GRIN3A: variants seen among roughly 807,000 people sequenced by gnomAD.
GRIN3A encodes the protein glutamate ionotropic receptor NMDA type subunit 3A.
In GRIN3A, 47 loss-of-function variants were observed where a neutral mutation model predicts 92.4. The observed-to-expected ratio is 0.51, with a 90% CI of 0.40 to 0.65. GRIN3A has a LOEUF of 0.65. Ranked by LOEUF, GRIN3A falls within the 30% of genes least tolerant of loss-of-function variation. The pLI, the probability that GRIN3A is intolerant of heterozygous loss-of-function variation, is 0.00. For missense variants in GRIN3A, 1,324 were observed against 1,393.1 expected (o/e 0.95, Z 0.79); for synonymous variants, 527 against 540.6 (o/e 0.97, Z 0.35).
intron 6 of GRIN3A, among the ~76,000 whole-genome samples, chr9:101,609,276 A>T (rs1480616616): frequency 6.6e-6 from 1 of 152,212 alleles, no homozygotes; most frequent in African/African-American, 2.4e-5. Context: ...ATATTTCTTT[A>T]CTTTGAAAAG....
intron 7 of GRIN3A, among the ~76,000 whole-genome samples, chr9:101,578,650 G>C (rs1564117754): frequency 1.3e-5 from 2 of 152,190 alleles, no homozygotes; most frequent in African/African-American, 4.8e-5. Context: ...GAGTGTGCTT[G>C]AGTCACCAGT....
chr9:101,676,387 A>G (rs561446480), intron 2 of GRIN3A, among the ~76,000 whole-genome samples: 12 of 152,018 alleles, frequency 7.9e-5, no homozygotes, highest in African/African-American at 2.9e-4. Flanking sequence ...AGGCCTTAAA[A>G]TTAATTTTTC....
At chr9:101,597,167 A>G (rs1828146711) in intron 6 of GRIN3A, among the ~76,000 whole-genome samples, 2 of 152,174 alleles carry the variant, frequency 1.3e-5, no homozygotes, top group Non-Finnish European at 2.9e-5. Flanking sequence ...GAAAAGACGG[A>G]CTTTTCCCTG....
intron 1 of GRIN3A, among the ~76,000 whole-genome samples, chr9:101,720,630 T>C (rs1220917552): frequency 1.3e-5 from 2 of 152,212 alleles, no homozygotes; most frequent in African/African-American, 4.8e-5. Flanking sequence ...ATTGTTTCAA[T>C]GGAAAAATCA....
intron 3 of GRIN3A, among the ~76,000 whole-genome samples, chr9:101,650,603 A>G (rs796447746): frequency 7.2e-5 from 11 of 152,118 alleles, no homozygotes; most frequent in African/African-American, 2.6e-4. Flanking sequence ...CTTGTGAGCT[A>G]TTTATATGCT....
chr9:101,610,219 T>C (rs558220711), intron 6 of GRIN3A, among the ~76,000 whole-genome samples: 4 of 152,340 alleles, frequency 2.6e-5, no homozygotes, highest in East Asian at 1.9e-4. Context: ...TAAAAATGTC[T>C]ACCTTACAGG....
intron 8 of GRIN3A, among the ~76,000 whole-genome samples, chr9:101,575,443 G>T (rs1480442998): frequency 2.0e-5 from 3 of 152,126 alleles, no homozygotes; most frequent in Non-Finnish European, 4.4e-5. Context: ...GGGGTGAGAG[G>T]AAAGGGAAAA....
At chr9:101,724,756 A>T (rs928944511) in intron 1 of GRIN3A, among the ~76,000 whole-genome samples, 1 of 152,214 alleles carries the variant, frequency 6.6e-6, no homozygotes, top group Non-Finnish European at 1.5e-5. Context: ...AGTTGCCACC[A>T]TGTAAGAAGT....
chr9:101,736,599 A>C (rs1241921835), intron 1 of GRIN3A, among the ~76,000 whole-genome samples: 1 of 152,192 alleles, frequency 6.6e-6, no homozygotes. Flanking sequence ...GTAGGGACAA[A>C]GAAACAATCC....
At chr9:101,712,333 A>G (rs1426450169) in intron 1 of GRIN3A, among the ~76,000 whole-genome samples, 1 of 152,192 alleles carries the variant, frequency 6.6e-6, no homozygotes, top group African/African-American at 2.4e-5. Context: ...CTTAATGACT[A>G]TCACCCAGAA....
At chr9:101,700,259 T>G (rs1357022335) in intron 1 of GRIN3A, among the ~76,000 whole-genome samples, 1 of 152,220 alleles carries the variant, frequency 6.6e-6, no homozygotes, top group East Asian at 1.9e-4. Context: ...GTAGTTTAGA[T>G]TTACAGGAAG....
At chr9:101,627,374 G>A (rs1828647949) in intron 4 of GRIN3A, among the ~76,000 whole-genome samples, 1 of 152,146 alleles carries the variant, frequency 6.6e-6, no homozygotes, top group South Asian at 2.1e-4. Context: ...AAACCCTTAT[G>A]TTCCATGAAA....
intron 5 of GRIN3A, among the ~76,000 whole-genome samples, chr9:101,621,204 G>A (rs1045848690): frequency 6.6e-6 from 1 of 150,938 alleles, no homozygotes; most frequent in African/African-American, 2.4e-5. Context: ...AGAATCGCTT[G>A]AACCTGGGAG....
chr9:101,738,155 CG>C lies in GRIN3A; in HGVS notation c.-177del. The C allele has an allele frequency of 1.5e-6, 1 of 676,420 alleles. No individual in the cohort carries two copies. The highest frequency in any genetic ancestry group is 2.7e-6 in the Non-Finnish European group (1 of 376,574). The allele number at this position is 676,420 out of a possible 1,614,324, so 41.9% of individuals were successfully genotyped here. On this transcript the variant is annotated 5_prime_UTR_variant, in exon 1 of 9. It removes the in-frame stop codon of an upstream open reading frame in the 5' UTR. Transcript: ENST00000361820. ...TGCAAGTTGGAGCGTAGCGCGCCTC[CG>C]GCAGTCTCAGATCCCGCTCCCAGGT...
chr9:101,660,797 T>C (rs934237101), intron 3 of GRIN3A, among the ~76,000 whole-genome samples: 1 of 151,576 alleles, frequency 6.6e-6, no homozygotes, highest in Non-Finnish European at 1.5e-5. Flanking sequence ...TTCCACAGCA[T>C]CTAGTATAAG....
At chr9:101,657,339 A>T (rs1312511439) in intron 3 of GRIN3A, among the ~76,000 whole-genome samples, 4 of 152,016 alleles carry the variant, frequency 2.6e-5, no homozygotes, top group Non-Finnish European at 5.9e-5. Flanking sequence ...GATAATTCAC[A>T]ACCTGCTCAA....
intron 6 of GRIN3A, among the ~76,000 whole-genome samples, chr9:101,582,409 G>A (rs1827899313): frequency 6.6e-6 from 1 of 152,136 alleles, no homozygotes; most frequent in South Asian, 2.1e-4. Context: ...CAGGAAAATT[G>A]GGCAGATGAC....
chr9:101,595,319 CTTT>C (rs35592131), intron 6 of GRIN3A, among the ~76,000 whole-genome samples: 1 of 146,904 alleles, frequency 6.8e-6, no homozygotes, highest in African/African-American at 2.5e-5. Flanking sequence ...CTACTTATTT[CTTT>C]TTTTTTTTTC....
At chr9:101,711,971 TCAA>T in intron 1 of GRIN3A, among the ~76,000 whole-genome samples, 1 of 152,154 alleles carries the variant, frequency 6.6e-6, no homozygotes, top group East Asian at 1.9e-4. Context: ...TCCTTGGAGC[TCAA>T]CGATTCCATC....
Sources: gnomAD v4.1 joint callset for allele counts (sites outside exome capture counted in the v4.1 genomes callset) on GRCh38, gnomAD v4.1.1 for gene constraint, MANE v1.5 for transcripts, NCBI Gene and HGNC (gene_info 2026-07-23, HGNC 2026-07-21) for gene names.